MPP7: variants seen among roughly 807,000 people sequenced by gnomAD.
The protein encoded by MPP7 is MAGUK p55 subfamily member 7.
A neutral mutation model predicts 76.5 loss-of-function variants in MPP7; 60 were observed. That is an observed-to-expected ratio of 0.78 (90% CI 0.64 to 0.97). The LOEUF is 0.97. Ranked by LOEUF, MPP7 falls within the 50% of genes least tolerant of loss-of-function variation. MPP7 has a pLI of 0.00. For missense variants in MPP7, 641 were observed against 694.0 expected (o/e 0.92, Z 0.86); for synonymous variants, 237 against 244.5 (o/e 0.97, Z 0.29).
chr10:28,285,209 A>C (rs550623285), intron 1 of MPP7, among the ~76,000 whole-genome samples: 2 of 152,202 alleles, frequency 1.3e-5, no homozygotes, highest in East Asian at 3.9e-4. Context: ...TTTGAGATGA[A>C]GTTTCGCTCT....
intron 1 of MPP7, among the ~76,000 whole-genome samples, chr10:28,334,029 G>C (rs1144516): frequency 0.67 from 102,361 of 151,852 alleles, 34,602 homozygotes; most frequent in South Asian, 0.73. Context: ...CTTGTCTCTA[G>C]TAAAACAAAA....
At chr10:28,190,369 A>G (rs1169637360) in intron 3 of MPP7, among the ~76,000 whole-genome samples, 1 of 152,230 alleles carries the variant, frequency 6.6e-6, no homozygotes, top group Admixed American at 6.5e-5. Context: ...CAATTATGGC[A>G]GTATACACAT....
chr10:28,100,088 A>G (rs1465338322), intron 11 of MPP7, among the ~76,000 whole-genome samples: 1 of 150,786 alleles, frequency 6.6e-6, no homozygotes, highest in Non-Finnish European at 1.5e-5. Flanking sequence ...AAGGAAAAAA[A>G]AAATTTACTA....
intron 12 of MPP7, among the ~76,000 whole-genome samples, chr10:28,073,761 T>C (rs919191389): frequency 7.2e-5 from 11 of 151,830 alleles, no homozygotes; most frequent in Non-Finnish European, 1.5e-5. Flanking sequence ...AGAGTGAGAC[T>C]GCATCTCAAG....
At chr10:28,165,686 G>C (rs1836427436) in intron 3 of MPP7, among the ~76,000 whole-genome samples, 1 of 152,114 alleles carries the variant, frequency 6.6e-6, no homozygotes, top group African/African-American at 2.4e-5. Context: ...ATTTTGATAA[G>C]CACTGACTCC....
At chr10:28,179,071 G>C (rs1031239825) in intron 3 of MPP7, among the ~76,000 whole-genome samples, 3 of 152,092 alleles carry the variant, frequency 2.0e-5, no homozygotes, top group South Asian at 2.1e-4. Flanking sequence ...ATGTCTCCAG[G>C]ACTGAAAAGG....
chr10:28,294,308 A>G (rs1326727152), intron 1 of MPP7, among the ~76,000 whole-genome samples: 2 of 152,224 alleles, frequency 1.3e-5, no homozygotes, highest in Non-Finnish European at 2.9e-5. Context: ...CTCCGTCTCG[A>G]GAAGAACTGC....
In MPP7 at chr10:28,146,478, T is replaced by C. The variant is rs1835710559; in HGVS notation, c.315+1005A>G. On this transcript the variant is annotated intron_variant, in intron 5 of 16. Transcript: ENST00000683449. Reference sequence around the variant, plus strand: ...GTGCAGTGGCACGATCTCAGCTCACTGCAAGCTCCGCCTCCCAGGTTCATG... The same window carrying C: ...GTGCAGTGGCACGATCTCAGCTCACCGCAAGCTCCGCCTCCCAGGTTCATG... Among the ~76,000 whole-genome samples, 3 of 151,112 alleles carry C rather than the reference T, an allele frequency of 2.0e-5. No homozygotes were observed. The East Asian group carries it at 5.9e-4, about 30-fold the overall frequency.
chr10:28,073,310 G>A (rs1419340507), intron 12 of MPP7, among the ~76,000 whole-genome samples: 1 of 152,102 alleles, frequency 6.6e-6, no homozygotes, highest in Non-Finnish European at 1.5e-5. Flanking sequence ...TTTGCCTCCT[G>A]TCCCGAAACA....
intron 3 of MPP7, among the ~76,000 whole-genome samples, chr10:28,153,569 A>C (rs1225913329): frequency 2.0e-5 from 3 of 152,188 alleles, no homozygotes; most frequent in African/African-American, 7.2e-5. Context: ...ACATCAGTAA[A>C]AATAAAAATA....
At chr10:28,254,393 G>A (rs1163992906) in intron 1 of MPP7, among the ~76,000 whole-genome samples, 2 of 152,248 alleles carry the variant, frequency 1.3e-5, no homozygotes, top group African/African-American at 4.8e-5. Flanking sequence ...AAACATTTTG[G>A]TGACTGGGAT....
chr10:28,209,893 C>G (rs1003898715), intron 2 of MPP7, among the ~76,000 whole-genome samples: 1 of 152,146 alleles, frequency 6.6e-6, no homozygotes, highest in Non-Finnish European at 1.5e-5. Flanking sequence ...TTGGTAGACT[C>G]AAGAAAGAAG....
In MPP7 at chr10:28,318,600, A is replaced by G. The variant is rs186388821; in HGVS notation, c.-132+11329T>C. ...CCCAGGAGGCTGAGGCAGGAGAATCACTTGAACCTGGGAGGTGGAGGTTGC... is the reference window on the plus strand; with the variant it reads ...CCCAGGAGGCTGAGGCAGGAGAATCGCTTGAACCTGGGAGGTGGAGGTTGC... On this transcript the variant is annotated intron_variant, in intron 2 of 11. Coordinates refer to the MPP7 transcript ENST00000441595. 5.1e-3 allele frequency among the ~76,000 whole-genome samples: 772 copies of G among 152,160 alleles called. 3 individuals are homozygous for G. Among genetic ancestry groups the G allele is most frequent in the Non-Finnish European group, 8.9e-3 (603 of 67,984 alleles).
chr10:28,206,450 T>C (rs1837952432), intron 2 of MPP7, among the ~76,000 whole-genome samples: 1 of 152,174 alleles, frequency 6.6e-6, no homozygotes, highest in Admixed American at 6.6e-5. Context: ...AATTCAAATA[T>C]CTAATTGACT....
intron 2 of MPP7, among the ~76,000 whole-genome samples, chr10:28,316,219 T>C (rs1346688429): frequency 6.6e-6 from 1 of 151,916 alleles, no homozygotes; most frequent in Non-Finnish European, 1.5e-5. Context: ...GGTAGATCAC[T>C]TGAGGTCAGA....
At chr10:28,211,189 C>T (rs1838122494) in intron 2 of MPP7, among the ~76,000 whole-genome samples, 1 of 152,044 alleles carries the variant, frequency 6.6e-6, no homozygotes, top group Admixed American at 6.6e-5. Flanking sequence ...ACCTTGAACC[C>T]CTGGGCTCAA....
intron 2 of MPP7, among the ~76,000 whole-genome samples, chr10:28,219,797 T>C (rs943125236): frequency 6.6e-6 from 1 of 152,144 alleles, no homozygotes; most frequent in Non-Finnish European, 1.5e-5. Context: ...TAAAATTTTA[T>C]TATATTAATA....
chr10:28,169,104 A>G (rs897910610), intron 3 of MPP7, among the ~76,000 whole-genome samples: 4 of 152,184 alleles, frequency 2.6e-5, no homozygotes, highest in African/African-American at 7.2e-5. Context: ...ATAAAACTTG[A>G]TATCTAGTGG....
chr10:28,325,792 C>T (rs930938720), intron 2 of MPP7, among the ~76,000 whole-genome samples: 4 of 151,988 alleles, frequency 2.6e-5, no homozygotes, highest in Non-Finnish European at 5.9e-5. Context: ...CCGCGCCTGG[C>T]CGCAAGACCA....
Sources: allele counts gnomAD v4.1 joint callset (sites outside exome capture counted in the v4.1 genomes callset), GRCh38; gene constraint gnomAD v4.1.1; transcripts MANE v1.5; gene names NCBI Gene and HGNC (gene_info 2026-07-23, HGNC 2026-07-21).